SLCO3A1: variants seen among roughly 807,000 people sequenced by gnomAD.
SLCO3A1 encodes the protein PGE1 transporter.
In SLCO3A1, 27 loss-of-function variants were observed where a neutral mutation model predicts 63.1. That is an observed-to-expected ratio of 0.43 (90% CI 0.32 to 0.59). The LOEUF is 0.59. Among genes scored for constraint, SLCO3A1 ranks in the 20% least tolerant of loss-of-function variants. The probability of loss-of-function intolerance (pLI) is 0.09; values close to 1 mark genes in which losing one functional copy is unlikely to be tolerated. For missense variants in SLCO3A1, 773 were observed against 945.8 expected (o/e 0.82, Z 2.40); for synonymous variants, 473 against 409.9 (o/e 1.15, Z -1.86).
chr15:91,920,164 T>C lies in SLCO3A1; in HGVS notation c.646+3706T>C, dbSNP rs148959842. On this transcript the variant is annotated intron_variant, in intron 2 of 9. Transcript: ENST00000318445. ...ATAGGTAAACTGTGATTCCGAGAGG[T>C]TGAGTAACTTACCCAAGCTCATTTA... is the stretch of plus-strand genomic sequence containing the variant. Among the ~76,000 whole-genome samples the C allele has an allele frequency of 2.2e-3, 331 of 152,146 alleles. 5 individuals are homozygous for C. Among genetic ancestry groups the C allele is most frequent in the African/African-American group, 7.6e-3 (317 of 41,494 alleles).
At chr15:92,051,304 C>T (rs1456386886) in intron 2 of SLCO3A1, among the ~76,000 whole-genome samples, 1 of 152,110 alleles carries the variant, frequency 6.6e-6, no homozygotes, top group Non-Finnish European at 1.5e-5. Context: ...TGTGAGGGCC[C>T]AGAGGCTAGG....
intron 2 of SLCO3A1, among the ~76,000 whole-genome samples, chr15:91,989,891 A>G (rs2046104574): frequency 6.6e-6 from 1 of 152,234 alleles, no homozygotes; most frequent in Admixed American, 6.5e-5. Flanking sequence ...ACTTGGGGAA[A>G]TATTTGCCAA....
chr15:91,957,741 T>C (rs986392437), intron 2 of SLCO3A1, among the ~76,000 whole-genome samples: 5 of 152,198 alleles, frequency 3.3e-5, no homozygotes, highest in African/African-American at 1.2e-4. Flanking sequence ...ATACTCAGCT[T>C]TATTTTTCTC....
chr15:91,942,937 G>GGGGCCCA lies in SLCO3A1; in HGVS notation c.646+26488_646+26494dup, dbSNP rs1899673655. Among the ~76,000 whole-genome samples the GGGGCCCA allele has an allele frequency of 6.6e-6, 1 of 152,182 alleles. No individual in the cohort carries two copies. The highest frequency in any genetic ancestry group is 2.4e-5 in the African/African-American group (1 of 41,440). On this transcript the variant is annotated intron_variant, in intron 2 of 9. Coordinates refer to ENST00000318445, the MANE Select transcript of SLCO3A1 (RefSeq NM_013272.4). This position sits in a 1 kb window ranked among gnomAD's most constrained non-coding sequence, Gnocchi z 4.1. ...AGAACTGCTCTGCCCGAGTGGGCGT[G>GGGGCCCA]GGGCCCAGGGCCCAGCCGTTTGACC...
intron 2 of SLCO3A1, among the ~76,000 whole-genome samples, chr15:92,076,375 CA>C (rs1455150154): frequency 6.7e-6 from 1 of 148,358 alleles, no homozygotes; most frequent in Non-Finnish European, 1.5e-5. Context: ...TCTGCTGATG[CA>C]GCCTATGTTC....
At chr15:91,871,764 G>GTTT (rs1368889555) in intron 1 of SLCO3A1, among the ~76,000 whole-genome samples, 15 of 35,312 alleles carry the variant, frequency 4.2e-4, no homozygotes, top group South Asian at 1.1e-3. Flanking sequence ...GTTTTTTTTT[G>GTTT]GTTTTTTTTT....
rs964825743 is a variant in SLCO3A1, at chr15:91,872,921, C to T, written c.180+18833C>T. Among the ~76,000 whole-genome samples, 3 of 152,214 alleles carry T rather than the reference C, an allele frequency of 2.0e-5. No individual in the cohort carries two copies. The highest frequency in any genetic ancestry group is 7.2e-5 in the African/African-American group (3 of 41,462). ...AGTGCTCTGAAAAAGACCTGTTATA[C>T]ATTCCAGGGCTGGTCACAGGGCCCC... is the stretch of plus-strand genomic sequence containing the variant. On this transcript the variant is annotated intron_variant, in intron 1 of 9. Coordinates refer to ENST00000318445, the MANE Select transcript of SLCO3A1 (RefSeq NM_013272.4). The surrounding 1 kb of genome is among the most constrained non-coding windows in gnomAD (Gnocchi z 4.1).
chr15:91,888,016 G>T (rs1279543833), intron 1 of SLCO3A1, among the ~76,000 whole-genome samples: 1 of 152,210 alleles, frequency 6.6e-6, no homozygotes, highest in Non-Finnish European at 1.5e-5. Context: ...CCCATGATGT[G>T]CTGCTTTGTT....
chr15:92,015,685 G>C (rs559431032), intron 2 of SLCO3A1, among the ~76,000 whole-genome samples: 2 of 152,244 alleles, frequency 1.3e-5, no homozygotes, highest in Non-Finnish European at 2.9e-5. Context: ...ACATGGCAGT[G>C]AGCGTGGGGT....
chr15:91,871,765 G>GTTTTTTTTTTTTTTTTTTTTTTTTTT (rs33938693), intron 1 of SLCO3A1, among the ~76,000 whole-genome samples: 1 of 45,682 alleles, frequency 2.2e-5, no homozygotes, highest in Non-Finnish European at 3.8e-5. Flanking sequence ...TTTTTTTTTG[G>GTTTTTTTTTTTTTTTTTTTTTTTTTT]TTTTTTTTTT....
At chr15:92,105,773 A>G (rs1331472711) in intron 4 of SLCO3A1, among the ~76,000 whole-genome samples, 1 of 152,158 alleles carries the variant, frequency 6.6e-6, no homozygotes, top group Non-Finnish European at 1.5e-5. Flanking sequence ...CAGAAGGGAG[A>G]TGGTCAGTCC....
chr15:91,919,468 A>C (rs1378857052), intron 2 of SLCO3A1, among the ~76,000 whole-genome samples: 2 of 152,214 alleles, frequency 1.3e-5, no homozygotes, highest in Non-Finnish European at 2.9e-5. Context: ...CCGGACTCAC[A>C]GTGCAGCCAG....
In SLCO3A1 at chr15:92,104,364, C is replaced by T. The variant is rs1342861025; in HGVS notation, c.831C>T (p.Phe277=). The change falls in exon 4 of 10, where the codon TTC becomes TTT. Residue 277 remains phenylalanine, a synonymous_variant. Transcript: ENST00000318445. The part of the protein sequence containing the change: ...GFLLCGALLF[F]SSLLMFGFPQ... The stretch of plus-strand genomic sequence containing the variant: ...TGCTCTGCGGTGCCTTACTCTTCTT[C>T]TCTTCCCTCTTGATGTTTGGGTTTC... The T allele has an allele frequency of 6.2e-7, 1 of 1,614,086 alleles. No homozygotes were observed. The highest frequency in any genetic ancestry group is 1.3e-5 in the African/African-American group (1 of 74,926).
downstream of SLCO3A1, among the ~76,000 whole-genome samples, chr15:92,170,032 G>A (rs1341521491): frequency 6.6e-6 from 1 of 152,120 alleles, no homozygotes; most frequent in East Asian, 1.9e-4. Context: ...TTTGCTATGA[G>A]CAAATGAACA....
intron 8 of SLCO3A1, among the ~76,000 whole-genome samples, 194 bp from the exon 9 acceptor site, chr15:92,150,756 C>CCACAGTTGCAGTTATTTTTCAGACT (rs1446008779): frequency 2.6e-5 from 4 of 151,452 alleles, no homozygotes; most frequent in African/African-American, 9.7e-5. Flanking sequence ...TATCTTGGCA[C>CCACAGTTGCAGTTATTTTTCAGACT]CACAGTTGCA....
intron 2 of SLCO3A1, among the ~76,000 whole-genome samples, chr15:91,982,217 A>G (rs746671130): frequency 6.6e-6 from 1 of 152,234 alleles, no homozygotes; most frequent in Non-Finnish European, 1.5e-5. Flanking sequence ...TAGGCAAGAA[A>G]CCCAGAGTGT....
intron 4 of SLCO3A1, among the ~76,000 whole-genome samples, chr15:92,115,836 A>AC (rs1567128334): frequency 6.6e-6 from 1 of 151,190 alleles, no homozygotes; most frequent in African/African-American, 2.4e-5. Flanking sequence ...AAAAAAAAAA[A>AC]AATGGACTAA....
At chr15:92,160,498 C>T (rs1253623269) in intron 9 of SLCO3A1, among the ~76,000 whole-genome samples, 1 of 152,132 alleles carries the variant, frequency 6.6e-6, no homozygotes, top group African/African-American at 2.4e-5. Context: ...CGAATATGCG[C>T]TTCCATTCGG....
chr15:92,150,753 G>A (rs1048378382), intron 8 of SLCO3A1, among the ~76,000 whole-genome samples, 197 bp from the exon 9 acceptor site: 1 of 151,198 alleles, frequency 6.6e-6, no homozygotes, highest in Non-Finnish European at 1.5e-5. Flanking sequence ...ACTTATCTTG[G>A]CACCACAGTT....
Sources: gnomAD v4.1 joint callset for allele counts (sites outside exome capture counted in the v4.1 genomes callset) on GRCh38, gnomAD v4.1.1 for gene constraint, Gnocchi (gnomAD v3.1) non-coding constraint, MANE v1.5 for transcripts, NCBI Gene and HGNC (gene_info 2026-07-23, HGNC 2026-07-21) for gene names.